Variants in FLT1 observed in about 807,000 individuals in gnomAD.
The protein encoded by FLT1 is vascular endothelial growth factor receptor 1.
A neutral mutation model predicts 156.3 loss-of-function variants in FLT1; 49 were observed. The ratio of observed to expected loss-of-function variants is 0.31; its 90% CI spans 0.25 to 0.40. The LOEUF (loss-of-function observed/expected upper bound fraction) is 0.40. FLT1 is among the 10% of genes least tolerant of loss of function. FLT1 has a pLI of 1.00. For synonymous variants in FLT1, 594 were observed against 583.8 expected (o/e 1.02, Z -0.25); for missense variants, 1,322 against 1,637.2 (o/e 0.81, Z 3.32).
intron 3 of FLT1, among the ~76,000 whole-genome samples, chr13:28,448,871 A>G (rs1878764234): frequency 6.6e-6 from 1 of 152,130 alleles, no homozygotes; most frequent in South Asian, 2.1e-4. Context: ...TCCCAGGGTA[A>G]ACTCCTCACC....
rs141065057 is a variant in FLT1 at position 28,399,363 on chromosome 13, G to A, written c.1552-2295C>T. Among the ~76,000 whole-genome samples, 382 of 152,296 alleles carry A rather than the reference G, an allele frequency of 2.5e-3. 2 individuals carry two copies. Among genetic ancestry groups the A allele is most frequent in the African/African-American group, 8.5e-3 (353 of 41,556 alleles). ...ATTAATTGTTGCTCAGTAAGTAAGT[G>A]AAAAACCCATTTCTGTTGGCTTGGG... On this transcript the variant is annotated intron_variant, in intron 11 of 29. Transcript: ENST00000282397.
intron 14 of FLT1, among the ~76,000 whole-genome samples, chr13:28,379,841 A>G (rs1874000273): frequency 6.6e-6 from 1 of 152,158 alleles, no homozygotes; most frequent in South Asian, 2.1e-4. Flanking sequence ...TTTTTCCTGA[A>G]AGGAAATGAT....
intron 15 of FLT1, among the ~76,000 whole-genome samples, chr13:28,353,133 G>A (rs1413840068): frequency 6.6e-6 from 1 of 152,176 alleles, no homozygotes; most frequent in Non-Finnish European, 1.5e-5. Context: ...GGACCCTCAT[G>A]TAGTCCTTTT....
Position 28,397,048 on chromosome 13 carries a change from C to G in FLT1, c.1572G>C (p.Val524=). The G allele has an allele frequency of 6.2e-7, 1 of 1,613,156 alleles. No individual in the cohort carries two copies. The highest frequency in any genetic ancestry group is 8.5e-7 in the Non-Finnish European group (1 of 1,179,222). The change falls in exon 12 of 30, where the codon GTG becomes GTC. Residue 524 remains valine, a synonymous_variant. Transcript: ENST00000282397. ...AGATTCCAGAAATTCTAGAGTCAGC[C>G]ACAACCAAGGTGCTAGCCATCTGCA... ...GKNKMASTLV[V]ADSRISGIYI... is the part of the protein sequence containing the mutation.
At chr13:28,330,874 T>C (rs1444492084) in intron 18 of FLT1, among the ~76,000 whole-genome samples, 2 of 151,716 alleles carry the variant, frequency 1.3e-5, no homozygotes, top group East Asian at 3.9e-4. Context: ...CCACAATGCT[T>C]GGCTAATTTT....
intron 29 of FLT1, 64 bp from the exon 30 acceptor site, chr13:28,303,432 A>C (rs1163517034): frequency 1.4e-6 from 2 of 1,424,036 alleles, no homozygotes; most frequent in Non-Finnish European, 1.9e-6. Flanking sequence ...AAAGACACTA[A>C]AATCTACTCT....
chr13:28,430,326 A>G (rs1312548999), intron 7 of FLT1, among the ~76,000 whole-genome samples, 159 bp from the exon 8 acceptor site: 1 of 152,212 alleles, frequency 6.6e-6, no homozygotes, highest in Non-Finnish European at 1.5e-5. Flanking sequence ...TGAATAGGAT[A>G]CTTTAAAAGC....
chr13:28,433,873 A>G lies in FLT1; in HGVS notation c.759T>C (p.Thr253=), dbSNP rs1877855497. ...LRGHTLVLNC[T]ATTPLNTRVQ... is the part of the protein sequence containing the mutation. ...CTCTCGTGTTCAAGGGAGTGGTAGC[A>G]GTACAATTGAGGACAAGAGTATGGC... The change falls in exon 6 of 30, where the codon ACT becomes ACC. Residue 253 remains threonine (T), a synonymous_variant. Coordinates refer to ENST00000282397, the MANE Select transcript of FLT1 (RefSeq NM_002019.4). 2 of 1,613,878 alleles carry G rather than the reference A, an allele frequency of 1.2e-6. No homozygotes were observed. Among genetic ancestry groups the G allele is most frequent in the East Asian group, 4.5e-5 (2 of 44,878 alleles).
intron 1 of FLT1, among the ~76,000 whole-genome samples, chr13:28,471,126 TA>T (rs61281061): frequency 0.12 from 17,739 of 151,940 alleles, 1,317 homozygotes; most frequent in Admixed American, 0.2. Context: ...GGGGTTATTC[TA>T]AAAAAAAGCG....
intron 1 of FLT1, among the ~76,000 whole-genome samples, chr13:28,471,868 C>T (rs1326972307): frequency 6.6e-6 from 1 of 152,116 alleles, no homozygotes; most frequent in African/African-American, 2.4e-5. Context: ...TACAGATCTC[C>T]TTACATCACG....
At chr13:28,465,608 C>T (rs1322900856) in intron 3 of FLT1, among the ~76,000 whole-genome samples, 8 of 152,052 alleles carry the variant, frequency 5.3e-5, no homozygotes, top group African/African-American at 1.7e-4. Context: ...TTTGGGAGGC[C>T]GAGGCAGGTG....
At chr13:28,466,442 C>T (rs185404751) in intron 3 of FLT1, among the ~76,000 whole-genome samples, 2 of 152,164 alleles carry the variant, frequency 1.3e-5, no homozygotes, top group Admixed American at 6.5e-5. Context: ...TCCATTGGAA[C>T]CAGTTATATA....
At chr13:28,467,489 T>C (rs1170146297) in intron 2 of FLT1, 32 bp downstream of exon 2, 1 of 1,417,524 alleles carries the variant, frequency 7.1e-7, no homozygotes, top group East Asian at 2.3e-5. Flanking sequence ...GCATGGCAAC[T>C]AGATTATTCC....
At chr13:28,331,651 C>T (rs751512580) in intron 18 of FLT1, among the ~76,000 whole-genome samples, 3 of 152,154 alleles carry the variant, frequency 2.0e-5, no homozygotes, top group African/African-American at 7.2e-5. Flanking sequence ...AGGCCGGTCT[C>T]GAACGCCTGA....
In FLT1 at chr13:28,471,980, G is replaced by A. The variant is rs149953680; in HGVS notation, c.65-4363C>T. ...AGAAAAACTGTTAAGGTCAAGCAGT[G>A]TAGGCTAATAGCATTAAAAAACCAA... On this transcript the variant is annotated intron_variant, in intron 1 of 29. Transcript: ENST00000282397. Among the ~76,000 whole-genome samples, 408 of 152,302 alleles carry A rather than the reference G, an allele frequency of 2.7e-3. 4 individuals are homozygous for A. The highest frequency in any genetic ancestry group is 9.4e-3 in the African/African-American group (391 of 41,570).
At chr13:28,354,662 CT>C (rs937911790) in intron 15 of FLT1, among the ~76,000 whole-genome samples, 3 of 151,918 alleles carry the variant, frequency 2.0e-5, no homozygotes, top group African/African-American at 7.3e-5. Context: ...CAGCTAACTA[CT>C]TTTTTTAAGC....
chr13:28,322,537 C>T lies in FLT1; in HGVS notation c.2954-178G>A, dbSNP rs1593679474. 14 of 725,312 alleles carry T rather than the reference C, an allele frequency of 1.9e-5. No homozygotes were observed. In the Middle Eastern group the frequency reaches 9.1e-4, roughly 47 times the overall value. 44.9% of individuals were successfully genotyped at this position (725,312 alleles called of 1,614,324 possible). On this transcript the variant is annotated intron_variant, in intron 21 of 29. Transcript: ENST00000282397. This position sits in a 1 kb window ranked among gnomAD's most constrained non-coding sequence, Gnocchi z 4.3. ...GAGATTTTTCCAGGCCTCCAGCCCA[C>T]TTTATCCAAGCATGGGGGCAGGGGG...
At chr13:28,310,319 C>A (rs1226029580) in intron 27 of FLT1, among the ~76,000 whole-genome samples, 1 of 152,042 alleles carries the variant, frequency 6.6e-6, no homozygotes, top group African/African-American at 2.4e-5. Flanking sequence ...GTCTGGAGGC[C>A]CTAAAAGGAG....
chr13:28,348,494 C>A (rs1484681890), intron 15 of FLT1, among the ~76,000 whole-genome samples: 1 of 152,154 alleles, frequency 6.6e-6, no homozygotes, highest in Non-Finnish European at 1.5e-5. Context: ...TATTTCTCTG[C>A]CAAAATGTGT....
Sources: gnomAD v4.1 joint callset for allele counts (sites outside exome capture counted in the v4.1 genomes callset) on GRCh38, gnomAD v4.1.1 for gene constraint, Gnocchi (gnomAD v3.1) non-coding constraint, MANE v1.5 for transcripts, NCBI Gene and HGNC (gene_info 2026-07-23, HGNC 2026-07-21) for gene names.